ADPRHL1: variants seen among roughly 807,000 people sequenced by gnomAD.
ADPRHL1 encodes inactive ADP-ribosyltransferase ARH2.
In ADPRHL1, 43 loss-of-function variants were observed where a neutral mutation model predicts 44.1. The observed-to-expected ratio is 0.98, with a 90% CI of 0.76 to 1.26. The LOEUF is 1.26. Among genes scored for constraint, ADPRHL1 ranks in the 50% most tolerant of loss-of-function variants. The pLI is 0.00. For missense variants in ADPRHL1, 2,022 were observed against 2,496.9 expected, an observed-to-expected ratio of 0.81 and a Z score of 4.05; for synonymous variants, 878 against 1,017.4, an observed-to-expected ratio of 0.86 and a Z score of 2.61.
chr13:113,411,979 C>G (rs1165198209), intron 7 of ADPRHL1, among the ~76,000 whole-genome samples: 4 of 152,208 alleles, frequency 2.6e-5, no homozygotes, highest in African/African-American at 9.6e-5. Flanking sequence ...CCTCTCTGGT[C>G]CCCGCCCCTC....
intron 7 of ADPRHL1, among the ~76,000 whole-genome samples, chr13:113,421,302 TCCCGGGACACGCCCAC>T (rs1419234460): frequency 7.7e-3 from 41 of 5,342 alleles, no homozygotes; most frequent in African/African-American, 0.011. Flanking sequence ...ACACGCCCAC[TCCCGGGACACGCCCAC>T]CCCGGGACAC....
chr13:113,411,842 C>G (rs2043854404), intron 7 of ADPRHL1, among the ~76,000 whole-genome samples: 1 of 152,202 alleles, frequency 6.6e-6, no homozygotes, highest in South Asian at 2.1e-4. Context: ...GTTTTGCAAT[C>G]ATCATTAACC....
intron 3 of ADPRHL1, among the ~76,000 whole-genome samples, chr13:113,432,792 T>A (rs2044016160): frequency 6.6e-6 from 1 of 152,190 alleles, no homozygotes; most frequent in Non-Finnish European, 1.5e-5. Context: ...CAAAAGGTAA[T>A]CTTGAACGAG....
intron 1 of ADPRHL1, among the ~76,000 whole-genome samples, chr13:113,448,211 G>C (rs1187531167): frequency 6.6e-6 from 1 of 152,026 alleles, no homozygotes; most frequent in African/African-American, 2.4e-5. Flanking sequence ...AGCTGCCTGA[G>C]GGGCCGGGTG....
chr13:113,419,759 G>A (rs1397640163), intron 7 of ADPRHL1, among the ~76,000 whole-genome samples: 1 of 152,182 alleles, frequency 6.6e-6, no homozygotes, highest in Non-Finnish European at 1.5e-5. Context: ...TATGTATGGT[G>A]ATACAGATAA....
At chr13:113,417,593 TTGC>T (rs1316259462) in intron 7 of ADPRHL1, among the ~76,000 whole-genome samples, 1 of 152,232 alleles carries the variant, frequency 6.6e-6, no homozygotes, top group African/African-American at 2.4e-5. Context: ...CAGCCCTTGT[TTGC>T]TGACCAGCAG....
chr13:113,428,851 T>C, intron 4 of ADPRHL1, 101 bp downstream of exon 4: 1 of 1,544,828 alleles, frequency 6.5e-7, no homozygotes, highest in Non-Finnish European at 8.7e-7. Context: ...CCCAGTTCCA[T>C]CTAAGAGCGA....
Position 113,406,593 on chromosome 13 carries a change from G to A in ADPRHL1, c.2689C>T (p.Arg897Ter), listed in dbSNP as rs1041663130. 15 of 1,231,914 alleles carry A rather than the reference G, an allele frequency of 1.2e-5. No individual in the cohort carries two copies. Among genetic ancestry groups the A allele is most frequent in the Non-Finnish European group, 1.5e-5 (15 of 987,984 alleles). The allele number at this position is 1,231,914 out of a possible 1,614,324, so 76.3% of individuals were successfully genotyped here. ...PTVTENRRGHRAPVELSKLSG... is the reference protein window; with the variant it reads ...PTVTENRRGH ...AGCTTGCTCAGTTCCACTGGGGCTC[G>A]GTGACCCCTTCTGTTCTCAGTCACG... The change falls in exon 8 of 8, where the codon CGA becomes TGA. Residue 897 changes from arginine to a stop codon, truncating the protein, a stop_gained. Transcript: ENST00000612156. LOFTEE classifies it low-confidence loss of function (END_TRUNC).
chr13:113,407,342 C>T lies in ADPRHL1; in HGVS notation c.1940G>A (p.Arg647His), dbSNP rs531589098. The T allele has an allele frequency of 1.9e-5, 24 of 1,232,024 alleles. No individual in the cohort carries two copies. The South Asian group carries it at 6.6e-4, about 34-fold the overall frequency. 76.3% of individuals were successfully genotyped at this position (1,232,024 alleles called of 1,614,324 possible). A position where few individuals can be genotyped will look rare whatever the true frequency, so the allele number is the denominator to read the frequency against. Reference protein sequence around the residue: ...CTKISHSEARRPPRGEASVPP... With the variant: ...CTKISHSEARHPPRGEASVPP... ...CACGCTGGCTTCTCCTCTGGGTGGA[C>T]GCCTTGCCTCCGAGTGGCTGATTTT... Residue 647 changes from arginine (R) to histidine (H), a missense_variant, in exon 8 of 8, where the codon CGT becomes CAT. Physicochemically the swap from Arg to His is conservative, Grantham distance 29. Transcript: ENST00000612156.
intron 3 of ADPRHL1, among the ~76,000 whole-genome samples, chr13:113,429,980 G>A (rs1387929013): frequency 1.3e-5 from 2 of 152,198 alleles, no homozygotes; most frequent in Admixed American, 6.5e-5. Context: ...GAAGAAGTCC[G>A]GGAGGCCTGT....
intron 7 of ADPRHL1, among the ~76,000 whole-genome samples, chr13:113,417,943 A>AT (rs2043895091): frequency 6.6e-6 from 1 of 152,190 alleles, no homozygotes; most frequent in Admixed American, 6.5e-5. Context: ...GGTATTACCA[A>AT]TTTTATCAGC....
chr13:113,435,194 G>A lies in ADPRHL1; in HGVS notation c.380-1327C>T, dbSNP rs542097251. 1.5e-3 allele frequency among the ~76,000 whole-genome samples: 32 copies of A among 21,056 alleles called. 2 individuals carry two copies. Among genetic ancestry groups the A allele is most frequent in the Middle Eastern group, 0.033 (1 of 30 alleles). The allele number at this position is 21,056 out of a possible 152,430, so 13.8% of individuals were successfully genotyped here. On this transcript the variant is annotated intron_variant, in intron 2 of 7. Coordinates refer to ENST00000612156, the MANE Select transcript of ADPRHL1 (RefSeq NM_001394807.1). ...GTACCCTGTGACCCAGCACCGAGGC[G>A]TAGAGTGAACATAGGTGTACCCCGG...
intron 2 of ADPRHL1, among the ~76,000 whole-genome samples, chr13:113,443,475 T>C (rs1338341006): frequency 6.8e-6 from 1 of 146,696 alleles, no homozygotes; most frequent in Non-Finnish European, 1.5e-5. Flanking sequence ...AAACATTAAC[T>C]GGGTGTAGTG....
intron 3 of ADPRHL1, 129 bp downstream of exon 3, chr13:113,433,613 T>C (rs1047618211): frequency 5.5e-6 from 8 of 1,443,478 alleles, no homozygotes; most frequent in Non-Finnish European, 7.4e-6. Context: ...CTGTCTCCTT[T>C]AAGCAGACGT....
chr13:113,424,410 C>T (rs948982416), intron 5 of ADPRHL1, 61 bp from the exon 6 acceptor site: 3 of 1,597,956 alleles, frequency 1.9e-6, no homozygotes, highest in Admixed American at 1.7e-5. Flanking sequence ...GGGTATATTA[C>T]AGCACAAGCT....
At position 113,405,522 on chromosome 13, in the gene ADPRHL1, G is replaced by T. The variant is rs1268427830; in HGVS notation, c.3760C>A (p.Leu1254Ile). 9.7e-6 allele frequency: 12 copies of T among 1,232,124 alleles called. No individual in the cohort carries two copies. The highest frequency in any genetic ancestry group is 1.2e-5 in the Non-Finnish European group (12 of 988,282). 76.3% of individuals were successfully genotyped at this position (1,232,124 alleles called of 1,614,324 possible). The change falls in exon 8 of 8, where the codon CTT becomes ATT. Residue 1254 changes from leucine (L) to isoleucine (I), a missense_variant. Coordinates refer to ENST00000612156, the MANE Select transcript of ADPRHL1 (RefSeq NM_001394807.1). ...GRKDVAVEGN[L>I]LGFSTESGIP... ...CCAGACTCTGTGCTGAAACCCAAAA[G>T]GTTTCCTTCCACAGCCACATCCTTT...
intron 7 of ADPRHL1, among the ~76,000 whole-genome samples, chr13:113,419,118 C>CTTTCT (rs1555326167): frequency 4.8e-5 from 3 of 62,992 alleles, no homozygotes; most frequent in African/African-American, 2.0e-4. Context: ...TTCTTTCTTT[C>CTTTCT]TTTTTTTTTT....
At position 113,453,213 on chromosome 13, in the gene ADPRHL1, G is replaced by T. The variant is rs1265096179; in HGVS notation, c.214+11C>A. On this transcript the variant is annotated intron_variant, in intron 1 of 7. Transcript: ENST00000612156. The surrounding 1 kb of genome is among the most constrained non-coding windows in gnomAD (Gnocchi z 5.4). The stretch of plus-strand genomic sequence containing the variant: ...CAGCCCGCACACCGGAGCGCGGTGG[G>T]CCCAGCCTACCTGTGGTGAGGGCCT... 4.3e-6 allele frequency: 7 copies of T among 1,613,808 alleles called. No homozygotes were observed. Among genetic ancestry groups the T allele is most frequent in the Non-Finnish European group, 5.1e-6 (6 of 1,179,970 alleles).
At chr13:113,414,361 C>T (rs570011009) in intron 7 of ADPRHL1, among the ~76,000 whole-genome samples, 1 of 152,312 alleles carries the variant, frequency 6.6e-6, no homozygotes, top group African/African-American at 2.4e-5. Context: ...TCCTGCCCCT[C>T]TGCGGATGAG....
Sources: allele counts gnomAD v4.1 joint callset (sites outside exome capture counted in the v4.1 genomes callset), GRCh38; gene constraint gnomAD v4.1.1; non-coding constraint Gnocchi (gnomAD v3.1); transcripts MANE v1.5; gene names NCBI Gene and HGNC (gene_info 2026-07-23, HGNC 2026-07-21).